AGO2: variants seen among roughly 807,000 people sequenced by gnomAD.
AGO2 encodes the protein argonaute RISC catalytic component 2.
In AGO2, 5 loss-of-function variants were observed where a neutral mutation model predicts 102.3. That is an observed-to-expected ratio of 0.05 (90% CI 0.03 to 0.10). The LOEUF (loss-of-function observed/expected upper bound fraction) is 0.10. Ranked by LOEUF, AGO2 falls within the 10% of genes least tolerant of loss-of-function variation. The pLI is 1.00. For missense variants in AGO2, 541 were observed against 1,183.7 expected (o/e 0.46, Z 7.97); for synonymous variants, 449 against 473.1 (o/e 0.95, Z 0.66).
intron 4 of AGO2, among the ~76,000 whole-genome samples, chr8:140,561,333 C>T (rs1380140292): frequency 2.0e-5 from 3 of 152,248 alleles, no homozygotes; most frequent in Non-Finnish European, 2.9e-5. Context: ...TCACTTTCCA[C>T]CTGAGACGTG....
At position 140,529,960 on chromosome 8, in the gene AGO2, A is replaced by G. The variant is rs2072561722; in HGVS notation, c.*2084T>C. On this transcript the variant is annotated 3_prime_UTR_variant, in exon 19 of 19. Transcript: ENST00000220592. ...GTCACAAGATTCCCTCCTTAGCTTG[A>G]ATGCATCCATTAATTTAAGCTACGA... is the stretch of plus-strand genomic sequence containing the variant. 1 of 152,248 alleles carries G rather than the reference A, an allele frequency of 6.6e-6. No homozygotes were observed. The highest frequency in any genetic ancestry group is 2.1e-4 in the South Asian group (1 of 4,836). 9.4% of individuals were successfully genotyped at this position (152,248 alleles called of 1,614,324 possible).
chr8:140,602,574 A>G (rs1156350573), intron 1 of AGO2, among the ~76,000 whole-genome samples: 1 of 152,126 alleles, frequency 6.6e-6, no homozygotes, highest in East Asian at 1.9e-4. Context: ...TGTAAGCTTC[A>G]GCAGGCTTCT....
chr8:140,579,631 C>T lies in AGO2; in HGVS notation c.215+5488G>A, dbSNP rs144960682. Among the ~76,000 whole-genome samples, 375 of 152,198 alleles carry T rather than the reference C, an allele frequency of 2.5e-3. 1 individual carries two copies. The highest frequency in any genetic ancestry group is 3.5e-3 in the Non-Finnish European group (239 of 67,996). ...CCCAGCGCACTCCTCTAACCCACCACTTCCTACTGATACTTAGATGGTGTC... is the reference window on the plus strand; with the variant it reads ...CCCAGCGCACTCCTCTAACCCACCATTTCCTACTGATACTTAGATGGTGTC... On this transcript the variant is annotated intron_variant, in intron 2 of 18. Transcript: ENST00000220592.
rs1047072712 is a variant in AGO2, at chr8:140,557,874, T to TC, written c.878+610dup. Among the ~76,000 whole-genome samples the TC allele has an allele frequency of 1.3e-5, 2 of 152,194 alleles. No individual in the cohort carries two copies. The highest frequency in any genetic ancestry group is 4.8e-5 in the African/African-American group (2 of 41,458). The stretch of plus-strand genomic sequence containing the variant: ...AGCCTCTGCCAGGCCACAGGCCCTC[T>TC]CGTCCTTCTGCTCCCTCAGCCACGG... On this transcript the variant is annotated intron_variant, in intron 7 of 18. Coordinates refer to ENST00000220592, the MANE Select transcript of AGO2 (RefSeq NM_012154.5). This position sits in a 1 kb window ranked among gnomAD's most constrained non-coding sequence, Gnocchi z 5.9.
In AGO2 at chr8:140,585,134, G is replaced by A; in HGVS notation, c.200C>T (p.Pro67Leu). The A allele has an allele frequency of 6.2e-7, 1 of 1,613,952 alleles. No individual in the cohort carries two copies. The highest frequency in any genetic ancestry group is 8.5e-7 in the Non-Finnish European group (1 of 1,179,966). Residue 67 changes from proline to leucine, a missense_variant, in exon 2 of 19, where the codon CCG becomes CTG. Pro to Leu is a moderately conservative substitution (Grantham distance 98). Coordinates refer to ENST00000220592, the MANE Select transcript of AGO2 (RefSeq NM_012154.5). ...YELDIKPEKC[P>L]RRVNREIVEH... is the part of the protein sequence containing the mutation. ...AACGTAATACCTGTTAACTCTCCTC[G>A]GGCACTTCTCTGGCTTGATATCCAA...
chr8:140,553,961 C>A (rs1189694696), intron 10 of AGO2, among the ~76,000 whole-genome samples: 1 of 152,252 alleles, frequency 6.6e-6, no homozygotes, highest in African/African-American at 2.4e-5. Flanking sequence ...CTTGGCCTCC[C>A]AAAGTGCTGG....
At chr8:140,568,287 G>GGA (rs545519047) in intron 3 of AGO2, among the ~76,000 whole-genome samples, 1 of 132,074 alleles carries the variant, frequency 7.6e-6, no homozygotes, top group Non-Finnish European at 1.6e-5. Flanking sequence ...ATGTCTGGGG[G>GGA]AAAAAAAAAA....
chr8:140,547,342 G>A, intron 13 of AGO2, 126 bp downstream of exon 13: 1 of 1,236,682 alleles, frequency 8.1e-7, no homozygotes, highest in Non-Finnish European at 1.1e-6. Flanking sequence ...CTCTGCTGTG[G>A]CCAGGACGGT....
upstream of AGO2, chr8:140,637,339 C>T (rs1049903768): frequency 6.6e-6 from 1 of 152,248 alleles, no homozygotes; most frequent in Non-Finnish European, 1.5e-5. Flanking sequence ...GGCCCGAAAT[C>T]CCTGAGGCCC....
At chr8:140,626,280 G>A (rs1223463246) in intron 1 of AGO2, among the ~76,000 whole-genome samples, 3 of 152,246 alleles carry the variant, frequency 2.0e-5, no homozygotes, top group South Asian at 2.1e-4. Flanking sequence ...TCTCAAGGCC[G>A]CTGTGGACAC....
intron 10 of AGO2, chr8:140,555,665 T>C (rs2977484): frequency 0.13 from 76,739 of 582,980 alleles, 5,860 homozygotes; most frequent in African/African-American, 0.26. Flanking sequence ...CATGGGATAA[T>C]AAAAATTATC....
At chr8:140,569,520 A>G (rs1263390206) in intron 3 of AGO2, among the ~76,000 whole-genome samples, 3 of 152,178 alleles carry the variant, frequency 2.0e-5, no homozygotes, top group Non-Finnish European at 4.4e-5. Context: ...CCTTCTGGCC[A>G]CCTTCCTAAA....
chr8:140,594,993 A>G (rs1164748068), intron 1 of AGO2, among the ~76,000 whole-genome samples: 1 of 152,210 alleles, frequency 6.6e-6, no homozygotes, highest in Non-Finnish European at 1.5e-5. Context: ...GAGGGATATG[A>G]CTGGATAGTG....
chr8:140,559,362 C>G, intron 6 of AGO2, 33 bp downstream of exon 6: 1 of 1,608,270 alleles, frequency 6.2e-7, no homozygotes, highest in African/African-American at 1.3e-5. Flanking sequence ...GGCCTCCCAG[C>G]CCTCAGCCAG....
upstream of AGO2, chr8:140,637,795 TC>T (rs1193123561): frequency 6.6e-6 from 1 of 152,248 alleles, no homozygotes; most frequent in East Asian, 1.9e-4. Context: ...GGCTAACAGA[TC>T]CACCACCCAA....
At chr8:140,554,145 G>C (rs1387186043) in intron 10 of AGO2, among the ~76,000 whole-genome samples, 3 of 152,260 alleles carry the variant, frequency 2.0e-5, no homozygotes, top group African/African-American at 4.8e-5. Context: ...AGCGGTGCTG[G>C]GTTCAAAAGC....
intron 2 of AGO2, among the ~76,000 whole-genome samples, chr8:140,578,071 A>G (rs2073494835): frequency 6.6e-6 from 1 of 152,178 alleles, no homozygotes; most frequent in African/African-American, 2.4e-5. Flanking sequence ...TCCGCCGCCC[A>G]GAGAGAGCAT....
intron 4 of AGO2, among the ~76,000 whole-genome samples, chr8:140,562,040 G>C (rs1016833381): frequency 1.3e-5 from 2 of 152,228 alleles, no homozygotes; most frequent in Non-Finnish European, 2.9e-5. Context: ...CTGAGAAAAA[G>C]GACGTCCCCA....
chr8:140,554,123 G>A (rs1184351113), intron 10 of AGO2, among the ~76,000 whole-genome samples: 1 of 152,262 alleles, frequency 6.6e-6, no homozygotes, highest in Non-Finnish European at 1.5e-5. Flanking sequence ...ACAGAAGCCA[G>A]CAGGGCTGTG....
Sources: gnomAD v4.1 joint callset for allele counts (sites outside exome capture counted in the v4.1 genomes callset) on GRCh38, gnomAD v4.1.1 for gene constraint, Gnocchi (gnomAD v3.1) non-coding constraint, MANE v1.5 for transcripts, NCBI Gene and HGNC (gene_info 2026-07-23, HGNC 2026-07-21) for gene names.